Variants in ACAD8 observed in about 807,000 individuals in gnomAD.
The protein encoded by ACAD8 is isobutyryl-CoA dehydrogenase, mitochondrial.
In ACAD8, 47 loss-of-function variants were observed where a neutral mutation model predicts 53.1. That is an observed-to-expected ratio of 0.89 (90% CI 0.70 to 1.13). The LOEUF (loss-of-function observed/expected upper bound fraction) is 1.13, where lower values mean the gene tolerates loss of function less well. ACAD8 is among the 50% of genes most tolerant of loss of function. The pLI is 0.00. For synonymous variants in ACAD8, 198 were observed against 201.3 expected, an observed-to-expected ratio of 0.98 and a Z score of 0.14; for missense variants, 494 against 535.0, an observed-to-expected ratio of 0.92 and a Z score of 0.76.
intron 1 of ACAD8, among the ~76,000 whole-genome samples, chr11:134,255,633 A>G (rs1939485991): frequency 6.6e-6 from 1 of 152,254 alleles, no homozygotes; most frequent in Non-Finnish European, 1.5e-5. Context: ...AATACCCAAC[A>G]TAGGTTTCTG....
At chr11:134,263,676 C>T in intron 10 of ACAD8, 4 of 984,976 alleles carry the variant, frequency 4.1e-6, no homozygotes, top group Non-Finnish European at 4.8e-6. Context: ...GAATTGCTTT[C>T]TCACTGAGCT....
In ACAD8 at chr11:134,260,958, C is replaced by G. The variant is rs533310201; in HGVS notation, c.706-86C>G. On this transcript the variant is annotated intron_variant, in intron 6 of 10. Transcript: ENST00000281182. ...GGGTCTAAGTCTTGGGTGCTGAAACCCATACCTCACAGGCTCCCGTCCCCA... is the reference window on the plus strand; with the variant it reads ...GGGTCTAAGTCTTGGGTGCTGAAACGCATACCTCACAGGCTCCCGTCCCCA... 7.2e-6 allele frequency: 11 copies of G among 1,522,232 alleles called. No individual in the cohort carries two copies. The South Asian group carries it at 1.3e-4, about 18-fold the overall frequency. The allele number at this position is 1,522,232 out of a possible 1,614,324, so 94.3% of individuals were successfully genotyped here.
At position 134,253,591 on chromosome 11, in the gene ACAD8, T is replaced by C; in HGVS notation, c.-10T>C. The C allele has an allele frequency of 6.4e-7, 1 of 1,574,788 alleles. No individual in the cohort carries two copies. The highest frequency in any genetic ancestry group is 8.6e-7 in the Non-Finnish European group (1 of 1,162,834). ...TCAGACTCTTAGCTGAACGCGGAGC[T>C]GCGGCGGCTATGCTGTGGAGCGGCT... On this transcript the variant is annotated 5_prime_UTR_variant, in exon 1 of 11. Transcript: ENST00000281182.
intron 1 of ACAD8, among the ~76,000 whole-genome samples, 165 bp downstream of exon 1, chr11:134,253,874 G>A (rs1939285602): frequency 6.8e-6 from 1 of 147,238 alleles, no homozygotes; most frequent in Non-Finnish European, 1.5e-5. Context: ...GGTCACCCCC[G>A]GCCTGGCTGC....
intron 10 of ACAD8, chr11:134,263,286 C>A: frequency 1.0e-6 from 1 of 1,002,570 alleles, no homozygotes; most frequent in Non-Finnish European, 1.2e-6. Context: ...CAACGTGAGG[C>A]TGCCTTGCTG....
intron 10 of ACAD8, chr11:134,264,025 GTATT>G: frequency 1.0e-6 from 1 of 985,256 alleles, no homozygotes. Flanking sequence ...AAAGAAATGT[GTATT>G]TATTGTTGAA....
intron 9 of ACAD8, chr11:134,262,180 T>C (rs755257357): frequency 1.5e-6 from 1 of 656,590 alleles, no homozygotes. Context: ...TTTAGCACTC[T>C]GCCATGTTTA....
intron 6 of ACAD8, 28 bp downstream of exon 6, chr11:134,259,773 T>C: frequency 6.2e-7 from 1 of 1,614,048 alleles, no homozygotes; most frequent in South Asian, 1.1e-5. Flanking sequence ...AGGAAACAAT[T>C]CAGGTTATGA....
chr11:134,262,187 T>A (rs1317381597), intron 9 of ACAD8: 18 of 653,122 alleles, frequency 2.8e-5, no homozygotes, highest in Non-Finnish European at 4.8e-5. Context: ...CTCTGCCATG[T>A]TTACATTGTC....
chr11:134,258,016 A>AT lies in ACAD8; in HGVS notation c.381-491dup, dbSNP rs201924430. On this transcript the variant is annotated intron_variant, in intron 3 of 10. Coordinates refer to ENST00000281182, the MANE Select transcript of ACAD8 (RefSeq NM_014384.3). The stretch of plus-strand genomic sequence containing the variant: ...AGGCACGTGCCACCACACCTGGCTA[A>AT]TTTTTTTTCATATTTAGTAGAGATG... The AT allele has an allele frequency of 3.7e-3, 727 of 197,008 alleles. 4 individuals are homozygous for AT. Among genetic ancestry groups the AT allele is most frequent in the African/African-American group, 0.015 (615 of 42,098 alleles). The allele number at this position is 197,008 out of a possible 1,614,324, so 12.2% of individuals were successfully genotyped here.
At chr11:134,260,230 A>AGATACTTCTAGGATTAAGAGCCGC in intron 6 of ACAD8, 1 of 1,080,726 alleles carries the variant, frequency 9.3e-7, no homozygotes, top group Non-Finnish European at 1.1e-6. Flanking sequence ...TTGAAAAGTA[A>AGATACTTCTAGGATTAAGAGCCGC]GATACTTCTA....
intron 3 of ACAD8, 74 bp from the exon 4 acceptor site, chr11:134,258,441 C>T (rs1257647716): frequency 4.9e-6 from 5 of 1,021,794 alleles, no homozygotes; most frequent in Non-Finnish European, 7.5e-6. Flanking sequence ...GTTCTCTTTC[C>T]CCTTCTCCCC....
In ACAD8 at chr11:134,259,097, G is replaced by T. The variant is rs1276829357; in HGVS notation, c.567+13G>T. 1.9e-6 allele frequency: 3 copies of T among 1,612,764 alleles called. No homozygotes were observed. Among genetic ancestry groups the T allele is most frequent in the Non-Finnish European group, 2.5e-6 (3 of 1,178,874 alleles). ...CAATGGCTCCAAGGTACTAGCGTGC[G>T]TCCTCCCAGAGCACTTTGGAGATTG... On this transcript the variant is annotated intron_variant, in intron 5 of 10. Coordinates refer to ENST00000281182, the MANE Select transcript of ACAD8 (RefSeq NM_014384.3).
At chr11:134,258,824 C>T in intron 4 of ACAD8, 184 bp from the exon 5 acceptor site, 2 of 739,828 alleles carry the variant, frequency 2.7e-6, no homozygotes, top group East Asian at 2.7e-5. Context: ...TAGGCAGTGG[C>T]CTGACTGGTA....
At chr11:134,264,010 T>C (rs1212190889) in intron 10 of ACAD8, 1 of 985,232 alleles carries the variant, frequency 1.0e-6, no homozygotes, top group African/African-American at 1.7e-5. Context: ...AGTTTTCTGA[T>C]TACCAAAGAA....
At position 134,253,701 on chromosome 11, in the gene ACAD8, G is replaced by T; in HGVS notation, c.101G>T (p.Cys34Phe). The change falls in exon 1 of 11, where the codon TGC becomes TTC. Residue 34 changes from cysteine (C) to phenylalanine (F), a missense_variant. Coordinates refer to ENST00000281182, the MANE Select transcript of ACAD8 (RefSeq NM_014384.3). ...VQTGHRSLTS[C>F]IDPSMGLNEE... ...ACCGGCCACCGGAGCTTGACCTCCT[G>T]CATCGACCGTAAGGATCTCCTGGCG... is the stretch of plus-strand genomic sequence containing the variant. 6.3e-6 allele frequency: 10 copies of T among 1,597,678 alleles called. No homozygotes were observed. Among genetic ancestry groups the T allele is most frequent in the Non-Finnish European group, 6.0e-6 (7 of 1,173,146 alleles).
At chr11:134,262,068 C>A (rs745718608) in intron 9 of ACAD8, 178 bp downstream of exon 9, 6 of 751,638 alleles carry the variant, frequency 8.0e-6, no homozygotes, top group Admixed American at 2.0e-5. Context: ...TCATCGCTGG[C>A]TTTTAGGCCT....
chr11:134,261,781 C>T lies in ACAD8; in HGVS notation c.983C>T (p.Ala328Val). 6.2e-7 allele frequency: 1 copy of T among 1,614,128 alleles called. No individual in the cohort carries two copies. The highest frequency in any genetic ancestry group is 1.1e-5 in the South Asian group (1 of 91,080). Reference protein sequence around the residue: ...TLADMATRLVAARLMVRNAAV... With the variant: ...TLADMATRLVVARLMVRNAAV... ...GCTGATATGGCAACAAGGCTGGTGG[C>T]CGCGCGGCTGATGGTCCGCAATGCA... Residue 328 changes from alanine (A) to valine (V), a missense_variant, in exon 9 of 11, where the codon GCC becomes GTC. Physicochemically the swap from Ala to Val is moderately conservative, Grantham distance 64. Coordinates refer to ENST00000281182, the MANE Select transcript of ACAD8 (RefSeq NM_014384.3). The surrounding 1 kb of genome is among the most constrained non-coding windows in gnomAD (Gnocchi z 4.2).
At position 134,259,053 on chromosome 11, in the gene ACAD8, A is replaced by G. The variant is rs766778250; in HGVS notation, c.536A>G (p.Gln179Arg). The G allele has an allele frequency of 1.9e-6, 3 of 1,614,168 alleles. No individual in the cohort carries two copies. In the East Asian group the frequency reaches 6.7e-5, roughly 36 times the overall value. ...AASLLTSAKK[Q>R]GDHYILNGSK... The stretch of plus-strand genomic sequence containing the variant: ...TCTCTTCTGACCTCCGCTAAGAAAC[A>G]GGGAGATCATTACATCCTCAATGGC... Residue 179 changes from glutamine (Q) to arginine (R), a missense_variant, in exon 5 of 11, where the codon CAG becomes CGG. Coordinates refer to ENST00000281182, the MANE Select transcript of ACAD8 (RefSeq NM_014384.3).
Sources: gnomAD v4.1 joint callset for allele counts (sites outside exome capture counted in the v4.1 genomes callset) on GRCh38, gnomAD v4.1.1 for gene constraint, Gnocchi (gnomAD v3.1) non-coding constraint, MANE v1.5 for transcripts, NCBI Gene and HGNC (gene_info 2026-07-23, HGNC 2026-07-21) for gene names.